The following UBE3D variants were observed in gnomAD, a reference collection of about 807,000 sequenced individuals.
UBE3D encodes the protein ubiquitin protein ligase E3D, also known as E3 ubiquitin-protein ligase E3D.
A neutral mutation model predicts 49.6 loss-of-function variants in UBE3D; 48 were observed. The ratio of observed to expected loss-of-function variants is 0.97; its 90% confidence interval spans 0.77 to 1.23. The LOEUF is 1.23. UBE3D is among the 50% of genes most tolerant of loss of function. UBE3D has a pLI of 0.00. For synonymous variants in UBE3D, 189 were observed against 174.2 expected, an observed-to-expected ratio of 1.08 and a Z score of -0.67; for missense variants, 452 against 468.4, an observed-to-expected ratio of 0.96 and a Z score of 0.32.
chr6:82,978,656 C>G (rs1467368677), intron 8 of UBE3D, among the ~76,000 whole-genome samples: 1 of 152,152 alleles, frequency 6.6e-6, no homozygotes, highest in Admixed American at 6.5e-5. Context: ...CTCAGTATTT[C>G]AAATGATTTA....
chr6:83,014,368 G>A (rs1780547536), intron 8 of UBE3D, among the ~76,000 whole-genome samples: 1 of 152,110 alleles, frequency 6.6e-6, no homozygotes, highest in African/African-American at 2.4e-5. Context: ...GTTTCCATTT[G>A]GCCTTTCCCA....
At chr6:82,968,177 A>C (rs1001583982) in intron 8 of UBE3D, among the ~76,000 whole-genome samples, 2 of 152,170 alleles carry the variant, frequency 1.3e-5, no homozygotes, top group Non-Finnish European at 2.9e-5. Flanking sequence ...ACATGCTTAA[A>C]AAGTTCTTAA....
intron 3 of UBE3D, among the ~76,000 whole-genome samples, chr6:83,046,677 G>A (rs1039135016): frequency 8.8e-5 from 12 of 136,078 alleles, no homozygotes; most frequent in African/African-American, 3.4e-4. Context: ...GTTGGCGGGG[G>A]GGGTGGGCGG....
chr6:83,039,969 A>G (rs1368464898), intron 4 of UBE3D, among the ~76,000 whole-genome samples: 1 of 152,224 alleles, frequency 6.6e-6, no homozygotes. Context: ...GAAATACAAT[A>G]GAACAGAAAA....
At chr6:82,961,047 C>G (rs1158780858) in intron 8 of UBE3D, among the ~76,000 whole-genome samples, 1 of 152,138 alleles carries the variant, frequency 6.6e-6, no homozygotes, top group African/African-American at 2.4e-5. Flanking sequence ...TCTCTAAGAC[C>G]TATTCCAGGC....
intron 3 of UBE3D, chr6:83,049,845 T>C (rs924427897): frequency 2.1e-6 from 1 of 468,434 alleles, no homozygotes; most frequent in Non-Finnish European, 4.4e-6. Context: ...AATTTATTTC[T>C]AAAATACATA....
chr6:82,933,148 C>G (rs1210092618), intron 9 of UBE3D, among the ~76,000 whole-genome samples: 2 of 152,142 alleles, frequency 1.3e-5, no homozygotes, highest in African/African-American at 4.8e-5. Context: ...CACAGTATGA[C>G]TCTCTAGGCC....
chr6:83,049,814 A>C (rs1380581632), intron 3 of UBE3D: 1 of 470,800 alleles, frequency 2.1e-6, no homozygotes, highest in Non-Finnish European at 4.4e-6. Context: ...TGGCCAACTG[A>C]TTTCATTCAC....
At chr6:83,022,626 C>A (rs1352419834) in intron 6 of UBE3D, 65 bp from the exon 7 acceptor site, 1 of 1,157,886 alleles carries the variant, frequency 8.6e-7, no homozygotes. Context: ...GCAAGATAAG[C>A]AAAAAATACA....
At chr6:83,036,467 G>C (rs559252715) in intron 5 of UBE3D, 4 of 151,202 alleles carry the variant, frequency 2.6e-5, no homozygotes, top group Admixed American at 6.6e-5. Context: ...AGCAATATTA[G>C]TTTATTTCTT....
chr6:83,015,202 G>T (rs1388940179), intron 8 of UBE3D, among the ~76,000 whole-genome samples: 2 of 152,178 alleles, frequency 1.3e-5, no homozygotes, highest in Admixed American at 1.3e-4. Context: ...TGAAGGTGCT[G>T]CCTTCACAAA....
chr6:83,065,593 G>A (rs757095356), intron 1 of UBE3D, 49 bp downstream of exon 1: 10 of 1,582,804 alleles, frequency 6.3e-6, no homozygotes, highest in Non-Finnish European at 8.7e-6. Flanking sequence ...CCGACCCCCG[G>A]GCAGCAGTAA....
At chr6:83,049,805 G>A (rs948128329) in intron 3 of UBE3D, 1 of 470,694 alleles carries the variant, frequency 2.1e-6, no homozygotes, top group Non-Finnish European at 4.4e-6. Flanking sequence ...TTGAAAGTTT[G>A]GCCAACTGAT....
At chr6:82,954,367 C>A (rs891937477) in intron 9 of UBE3D, among the ~76,000 whole-genome samples, 3 of 151,996 alleles carry the variant, frequency 2.0e-5, no homozygotes, top group Admixed American at 2.0e-4. Flanking sequence ...ACAAAACCAC[C>A]AAAAGAGATC....
intron 3 of UBE3D, among the ~76,000 whole-genome samples, chr6:83,048,337 CAAG>C (rs1783222382): frequency 6.6e-6 from 1 of 151,880 alleles, no homozygotes; most frequent in Non-Finnish European, 1.5e-5. Flanking sequence ...TGAATTTTAC[CAAG>C]AAGAACCAGC....
chr6:82,977,129 A>AG (rs1777784814), intron 8 of UBE3D, among the ~76,000 whole-genome samples: 1 of 149,412 alleles, frequency 6.7e-6, no homozygotes, highest in Non-Finnish European at 1.5e-5. Flanking sequence ...AAAAAAAAAA[A>AG]AAAAAAAAAA....
Position 83,023,957 on chromosome 6 carries a change from T to C in UBE3D, c.737+12A>G. 6.9e-7 allele frequency: 1 copy of C among 1,451,494 alleles called. No individual in the cohort carries two copies. Among genetic ancestry groups the C allele is most frequent in the Non-Finnish European group, 9.3e-7 (1 of 1,076,832 alleles). 89.9% of individuals were successfully genotyped at this position (1,451,494 alleles called of 1,614,324 possible). On this transcript the variant is annotated intron_variant, in intron 6 of 9. Coordinates refer to ENST00000369747, the MANE Select transcript of UBE3D (RefSeq NM_198920.3). ...AAATTACAAATAAATAAATGTAATT[T>C]GCTATTTGTACCTTGGTATGATAGG...
At chr6:83,042,098 C>T (rs1019321985) in intron 4 of UBE3D, among the ~76,000 whole-genome samples, 14 of 152,028 alleles carry the variant, frequency 9.2e-5, no homozygotes, top group African/African-American at 2.7e-4. Flanking sequence ...TTAGGAGAGA[C>T]AGGGTTTCAC....
rs1015189234 is a variant in UBE3D at position 83,065,804 on chromosome 6, C to A, written c.-86G>T. The A allele has an allele frequency of 1.4e-5, 20 of 1,380,280 alleles. No individual in the cohort carries two copies. The highest frequency in any genetic ancestry group is 1.9e-5 in the Non-Finnish European group (19 of 1,000,078). 85.5% of individuals were successfully genotyped at this position (1,380,280 alleles called of 1,614,324 possible). ...GACCAGGAGAGGTTCCACGTGCGGACCAACCAGCGGCAGCCCCGCTGCGGC... is the reference window on the plus strand; with the variant it reads ...GACCAGGAGAGGTTCCACGTGCGGAACAACCAGCGGCAGCCCCGCTGCGGC... On this transcript the variant is annotated 5_prime_UTR_variant, in exon 1 of 10. Coordinates refer to ENST00000369747, the MANE Select transcript of UBE3D (RefSeq NM_198920.3).
Sources: allele counts gnomAD v4.1 joint callset (sites outside exome capture counted in the v4.1 genomes callset), GRCh38; gene constraint gnomAD v4.1.1; transcripts MANE v1.5; gene names NCBI Gene and HGNC (gene_info 2026-07-23, HGNC 2026-07-21).